DNM2: variants seen among roughly 807,000 people sequenced by gnomAD.
DNM2 encodes dynamin-2.
In DNM2, 15 loss-of-function variants were observed where a neutral mutation model predicts 99.0. That is an observed-to-expected ratio of 0.15 (90% CI 0.10 to 0.23). The LOEUF is 0.23. DNM2 is among the 10% of genes least tolerant of loss of function. The pLI is 1.00. For missense variants in DNM2, 742 were observed against 1,189.4 expected, an observed-to-expected ratio of 0.62 and a Z score of 5.53; for synonymous variants, 525 against 481.2, an observed-to-expected ratio of 1.09 and a Z score of -1.19.
chr19:10,779,502 C>CTTTCTTTTTTTTTTTTTTTTTTTT (rs1290878626), intron 5 of DNM2, among the ~76,000 whole-genome samples: 10 of 29,628 alleles, frequency 3.4e-4, no homozygotes, highest in Non-Finnish European at 5.2e-4. Flanking sequence ...TTCTTTCTTT[C>CTTTCTTTTTTTTTTTTTTTTTTTT]TTTTTTTTTT....
rs941708273 is a variant in DNM2 at position 10,796,425 on chromosome 19, A to G, written c.1197-955A>G. On this transcript the variant is annotated intron_variant, in intron 9 of 20. Coordinates refer to ENST00000389253, the MANE Select transcript of DNM2 (RefSeq NM_001005361.3). The surrounding 1 kb of genome is among the most constrained non-coding windows in gnomAD (Gnocchi z 5.6). ...CCTCCTGGACTGGCCAGACAGATGC[A>G]CAGTTGTCCCTGGGACCCTGATACC... 6.6e-6 allele frequency among the ~76,000 whole-genome samples: 1 copy of G among 152,038 alleles called. No homozygotes were observed. The highest frequency in any genetic ancestry group is 1.5e-5 in the Non-Finnish European group (1 of 67,970).
intron 1 of DNM2, among the ~76,000 whole-genome samples, chr19:10,748,865 T>C (rs751523702): frequency 6.6e-6 from 1 of 152,188 alleles, no homozygotes; most frequent in Non-Finnish European, 1.5e-5. Context: ...TGGCCAGCGT[T>C]CCTTGTGTGG....
At chr19:10,759,099 G>A (rs1282158433) in intron 1 of DNM2, among the ~76,000 whole-genome samples, 2 of 152,110 alleles carry the variant, frequency 1.3e-5, no homozygotes, top group Admixed American at 6.5e-5. Context: ...GGGCCACCAC[G>A]CCCAGCTAAT....
At position 10,811,471 on chromosome 19, in the gene DNM2, A is replaced by G; in HGVS notation, c.1558-793A>G. On this transcript the variant is annotated intron_variant, in intron 14 of 20. Transcript: ENST00000389253. The surrounding 1 kb of genome is among the most constrained non-coding windows in gnomAD (Gnocchi z 5.4). ...CAGCCCTTCGCAGCTGTCCATGGCCATGCTCAGCCCACCCTTTGTAGCTTG... is the reference window on the plus strand; with the variant it reads ...CAGCCCTTCGCAGCTGTCCATGGCCGTGCTCAGCCCACCCTTTGTAGCTTG... The G allele has an allele frequency of 2.8e-6, 1 of 354,174 alleles. No individual in the cohort carries two copies. The highest frequency in any genetic ancestry group is 5.6e-6 in the Non-Finnish European group (1 of 178,634). The allele number at this position is 354,174 out of a possible 1,614,324, so 21.9% of individuals were successfully genotyped here.
chr19:10,809,647 G>A (rs1424252413), intron 14 of DNM2: 1 of 152,376 alleles, frequency 6.6e-6, no homozygotes, highest in African/African-American at 2.4e-5. Flanking sequence ...GCCGGCCTCA[G>A]CCCGGCTCTT....
At chr19:10,799,540 T>TG (rs1278661327) in intron 11 of DNM2, among the ~76,000 whole-genome samples, 1 of 150,484 alleles carries the variant, frequency 6.6e-6, no homozygotes, top group African/African-American at 2.4e-5. Flanking sequence ...TTTTGTTTTT[T>TG]TTTTTTTTTT....
chr19:10,752,538 A>C (rs1009124512), intron 1 of DNM2, among the ~76,000 whole-genome samples: 6 of 152,176 alleles, frequency 3.9e-5, no homozygotes, highest in African/African-American at 1.4e-4. Context: ...CAGAGGTCCA[A>C]AGCCGGGCCC....
Position 10,795,662 on chromosome 19 carries a change from C to T in DNM2, c.1196+223C>T. 1.7e-6 allele frequency: 1 copy of T among 603,016 alleles called. No homozygotes were observed. The highest frequency in any genetic ancestry group is 2.9e-6 in the Non-Finnish European group (1 of 339,374). 37.4% of individuals were successfully genotyped at this position (603,016 alleles called of 1,614,324 possible). A position where few individuals can be genotyped will look rare whatever the true frequency, so the allele number is the denominator to read the frequency against. ...TTGCAGGCTTCAGGGCTGTCTGCAG[C>T]TCCTGATCAAATAGGGCTTAGTTCC... On this transcript the variant is annotated intron_variant, in intron 9 of 20. Transcript: ENST00000389253. This position sits in a 1 kb window ranked among gnomAD's most constrained non-coding sequence, Gnocchi z 4.2.
intron 11 of DNM2, among the ~76,000 whole-genome samples, chr19:10,801,135 G>A (rs1337163467): frequency 5.9e-5 from 9 of 151,266 alleles, no homozygotes; most frequent in Non-Finnish European, 7.4e-5. Flanking sequence ...GTGAAAACCC[G>A]TCTCTACTAA....
intron 1 of DNM2, among the ~76,000 whole-genome samples, chr19:10,758,507 T>C (rs1265094765): frequency 1.7e-4 from 13 of 76,130 alleles, no homozygotes; most frequent in Admixed American, 4.2e-4. Flanking sequence ...CCTTCCTCCC[T>C]TTCCTCCCTT....
At chr19:10,784,843 A>C (rs1299113298) in intron 6 of DNM2, among the ~76,000 whole-genome samples, 1 of 5,660 alleles carries the variant, frequency 1.8e-4, no homozygotes, top group Admixed American at 1.4e-3. Flanking sequence ...TTTTTTTTTG[A>C]GACAGAGCCT....
chr19:10,750,706 G>A lies in DNM2; in HGVS notation c.162-9032G>A, dbSNP rs942379382. On this transcript the variant is annotated intron_variant, in intron 1 of 20. Coordinates refer to ENST00000389253, the MANE Select transcript of DNM2 (RefSeq NM_001005361.3). ...AGCACTTTGGGCTGCTGAGGCAGGT[G>A]GATCACCTGAGGCCAGGAGTTCGAG... Among the ~76,000 whole-genome samples, 145 of 151,840 alleles carry A rather than the reference G, an allele frequency of 9.5e-4. 2 individuals are homozygous for A. The highest frequency in any genetic ancestry group is 3.4e-3 in the African/African-American group (141 of 41,402).
chr19:10,725,755 CTGA>C (rs2069093700), intron 1 of DNM2, among the ~76,000 whole-genome samples: 1 of 152,090 alleles, frequency 6.6e-6, no homozygotes, highest in Non-Finnish European at 1.5e-5. Context: ...GATCAGGACT[CTGA>C]TGACAGGTGT....
At chr19:10,771,852 T>G (rs2070991314) in intron 2 of DNM2, among the ~76,000 whole-genome samples, 1 of 152,116 alleles carries the variant, frequency 6.6e-6, no homozygotes, top group African/African-American at 2.4e-5. Flanking sequence ...TGTTTATTTT[T>G]GGGGGAGGGG....
chr19:10,771,906 C>A (rs555859166), intron 2 of DNM2, among the ~76,000 whole-genome samples: 1 of 152,082 alleles, frequency 6.6e-6, no homozygotes, highest in African/African-American at 2.4e-5. Context: ...TTGCAAAGTG[C>A]CACATGGGAA....
At chr19:10,767,059 G>A (rs912378543) in intron 2 of DNM2, among the ~76,000 whole-genome samples, 8 of 152,100 alleles carry the variant, frequency 5.3e-5, no homozygotes, top group African/African-American at 1.7e-4. Flanking sequence ...TCTGCAGAGG[G>A]TGGCTGTGGG....
At position 10,749,414 on chromosome 19, in the gene DNM2, G is replaced by A. The variant is rs549506853; in HGVS notation, c.162-10324G>A. 4.6e-5 allele frequency among the ~76,000 whole-genome samples: 7 copies of A among 152,314 alleles called. No individual in the cohort carries two copies. In the South Asian group the frequency reaches 8.3e-4, roughly 18 times the overall value. ...CACCCTTCCCTGCCTGTCCCCTACC[G>A]CCTTCCTGGAGCGCTTATCCCCTTC... On this transcript the variant is annotated intron_variant, in intron 1 of 20. Coordinates refer to ENST00000389253, the MANE Select transcript of DNM2 (RefSeq NM_001005361.3).
rs200100669 is a variant in DNM2, at chr19:10,830,346, G to A, written c.2511G>A (p.Arg837=). The change falls in exon 20 of 21, where the codon CGG becomes CGA. Residue 837 remains arginine (R), a synonymous_variant. Coordinates refer to ENST00000389253, the MANE Select transcript of DNM2 (RefSeq NM_001005361.3). This position sits in a 1 kb window ranked among gnomAD's most constrained non-coding sequence, Gnocchi z 4.8. ...CTCAGATCCCATCTCGGCCAGTTCGGATCCCCCCAGGGATTCCCCCAGGAG... is the reference window on the plus strand; with the variant it reads ...CTCAGATCCCATCTCGGCCAGTTCGAATCCCCCCAGGGATTCCCCCAGGAG... ...APPQIPSRPV[R]IPPGIPPGVP... The A allele has an allele frequency of 1.7e-4, 276 of 1,612,512 alleles. No individual in the cohort carries two copies. The highest frequency in any genetic ancestry group is 1.2e-3 in the Admixed American group (72 of 60,000).
intron 1 of DNM2, among the ~76,000 whole-genome samples, chr19:10,727,672 GGTTAGATTTA>G (rs1412534063): frequency 6.6e-6 from 1 of 152,112 alleles, no homozygotes; most frequent in African/African-American, 2.4e-5. Context: ...ACCCGGCCTA[GGTTAGATTTA>G]GAGTTTTCAG....
Sources: gnomAD v4.1 joint callset for allele counts (sites outside exome capture counted in the v4.1 genomes callset) on GRCh38, gnomAD v4.1.1 for gene constraint, Gnocchi (gnomAD v3.1) non-coding constraint, MANE v1.5 for transcripts, NCBI Gene and HGNC (gene_info 2026-07-23, HGNC 2026-07-21) for gene names.